Variants in ARHGAP44 observed in about 807,000 individuals in gnomAD.
The protein encoded by ARHGAP44 is rho GTPase-activating protein 44.
Under a neutral mutation model 106.8 loss-of-function variants are expected in ARHGAP44, and 43 were observed. The ratio of observed to expected loss-of-function variants is 0.40; its 90% CI spans 0.32 to 0.52. The LOEUF is 0.52. Ranked by LOEUF, ARHGAP44 falls within the 20% of genes least tolerant of loss-of-function variation. ARHGAP44 has a pLI of 0.48. For missense variants in ARHGAP44, 866 were observed against 1,050.5 expected (o/e 0.82, Z 2.43); for synonymous variants, 439 against 410.3 (o/e 1.07, Z -0.85).
intron 18 of ARHGAP44, among the ~76,000 whole-genome samples, chr17:12,975,890 C>G (rs1451389125): frequency 3.3e-5 from 5 of 150,550 alleles, no homozygotes; most frequent in Non-Finnish European, 7.4e-5. Flanking sequence ...CAAATAATGA[C>G]AGCACTTGGT....
chr17:12,919,951 T>C (rs1286318165), intron 6 of ARHGAP44, 120 bp downstream of exon 6: 2 of 744,642 alleles, frequency 2.7e-6, no homozygotes, highest in Non-Finnish European at 2.2e-6. Context: ...ACACCTAACG[T>C]GTACCAGGCA....
rs146845658 is a variant in ARHGAP44, at chr17:12,901,491, A to T, written c.198+4980A>T. On this transcript the variant is annotated intron_variant, in intron 3 of 20. Transcript: ENST00000379672. ...GAGAGGCCAGTTACACAGAGATGGG[A>T]ACAATTTCAGTGAGATGCAACGAGG... 3.9e-3 allele frequency among the ~76,000 whole-genome samples: 596 copies of T among 152,232 alleles called. 5 individuals carry two copies. Among genetic ancestry groups the T allele is most frequent in the African/African-American group, 0.014 (566 of 41,540 alleles).
Position 12,847,576 on chromosome 17 carries a change from C to T in ARHGAP44, c.54-47364C>T, listed in dbSNP as rs1385792165. On this transcript the variant is annotated intron_variant, in intron 1 of 20. Transcript: ENST00000379672. ...TCGCCCAGGCTGGAGTGCAGTGGTG[C>T]GATCTCGGCTCACTGCAAGCTCCGC... 7.4e-4 allele frequency among the ~76,000 whole-genome samples: 103 copies of T among 139,442 alleles called. 1 individual carries two copies. Among genetic ancestry groups the T allele is most frequent in the African/African-American group, 2.6e-3 (92 of 34,988 alleles). 91.5% of individuals were successfully genotyped at this position (139,442 alleles called of 152,430 possible).
At chr17:12,975,220 A>G (rs2039646022) in intron 18 of ARHGAP44, among the ~76,000 whole-genome samples, 1 of 152,202 alleles carries the variant, frequency 6.6e-6, no homozygotes, top group Non-Finnish European at 1.5e-5. Flanking sequence ...AAACTACAGA[A>G]AGTAAAACCA....
At chr17:12,946,982 C>A (rs777294549) in intron 10 of ARHGAP44, among the ~76,000 whole-genome samples, 8 of 152,102 alleles carry the variant, frequency 5.3e-5, no homozygotes, top group Non-Finnish European at 1.2e-4. Context: ...GCATTTTTTC[C>A]CTGTTTTGTG....
intron 1 of ARHGAP44, among the ~76,000 whole-genome samples, chr17:12,879,094 A>G (rs1473755265): frequency 6.6e-6 from 1 of 152,148 alleles, no homozygotes; most frequent in Non-Finnish European, 1.5e-5. Flanking sequence ...CGAGCAGTGT[A>G]CACTGTACCC....
At chr17:12,974,977 G>A (rs1196197614) in intron 18 of ARHGAP44, among the ~76,000 whole-genome samples, 1 of 151,720 alleles carries the variant, frequency 6.6e-6, no homozygotes, top group Non-Finnish European at 1.5e-5. Flanking sequence ...AGCCTCCCAA[G>A]TAGCTGGGAT....
At chr17:12,980,534 C>T (rs1034862486) in intron 19 of ARHGAP44, among the ~76,000 whole-genome samples, 20 of 152,114 alleles carry the variant, frequency 1.3e-4, no homozygotes, top group East Asian at 3.9e-4. Flanking sequence ...AGAGACCTGC[C>T]GGGCCCTACC....
chr17:12,966,315 A>C (rs56011081), intron 16 of ARHGAP44, among the ~76,000 whole-genome samples: 15,661 of 152,202 alleles, frequency 0.1, 929 homozygotes, highest in South Asian at 0.2. Flanking sequence ...GGTTGTCTAC[A>C]TGGAGAGGGA....
At chr17:12,978,088 G>A (rs1048762166) in intron 18 of ARHGAP44, among the ~76,000 whole-genome samples, 1 of 145,840 alleles carries the variant, frequency 6.9e-6, no homozygotes, top group Non-Finnish European at 1.5e-5. Flanking sequence ...AGAAGGAAGA[G>A]CTCATTCCTA....
At chr17:12,820,691 G>A (rs2034743328) in intron 1 of ARHGAP44, among the ~76,000 whole-genome samples, 1 of 152,174 alleles carries the variant, frequency 6.6e-6, no homozygotes, top group South Asian at 2.1e-4. Flanking sequence ...GTTGAATCAT[G>A]TGATTGAAGG....
chr17:12,905,527 C>T (rs1007853025), intron 3 of ARHGAP44, among the ~76,000 whole-genome samples: 12 of 152,206 alleles, frequency 7.9e-5, no homozygotes, highest in East Asian at 7.7e-4. Context: ...CTCCAGTGGC[C>T]GGTCTTGTCC....
chr17:12,855,913 G>T (rs1385603828), intron 1 of ARHGAP44, among the ~76,000 whole-genome samples: 1 of 152,202 alleles, frequency 6.6e-6, no homozygotes, highest in Admixed American at 6.5e-5. Flanking sequence ...AAAAAGTCAT[G>T]CTTGTGGTCG....
chr17:12,977,909 A>T (rs1308388655), intron 18 of ARHGAP44, among the ~76,000 whole-genome samples: 2 of 151,884 alleles, frequency 1.3e-5, no homozygotes, highest in Admixed American at 6.6e-5. Flanking sequence ...GTGGTGGCAC[A>T]TGCCTTTAAT....
chr17:12,829,772 CT>C (rs542406598), intron 1 of ARHGAP44, among the ~76,000 whole-genome samples: 1 of 152,236 alleles, frequency 6.6e-6, no homozygotes, highest in East Asian at 1.9e-4. Context: ...TTCATGTGGC[CT>C]TCCTTGACCA....
At chr17:12,890,561 T>C (rs1368081679) in intron 1 of ARHGAP44, among the ~76,000 whole-genome samples, 3 of 152,102 alleles carry the variant, frequency 2.0e-5, no homozygotes, top group Non-Finnish European at 4.4e-5. Context: ...CATTCTCCCC[T>C]CCTAGAGCTC....
intron 16 of ARHGAP44, among the ~76,000 whole-genome samples, chr17:12,963,672 C>T (rs1208453311): frequency 2.0e-5 from 3 of 150,208 alleles, no homozygotes; most frequent in Admixed American, 6.6e-5. Context: ...GCACCAGTGC[C>T]GTGTGAGCAG....
intron 19 of ARHGAP44, among the ~76,000 whole-genome samples, chr17:12,983,349 A>T (rs1473316251): frequency 1.3e-5 from 2 of 151,788 alleles, no homozygotes; most frequent in African/African-American, 2.4e-5. Context: ...TCACTCTCTC[A>T]AGATATTTGC....
intron 1 of ARHGAP44, among the ~76,000 whole-genome samples, chr17:12,827,704 T>C (rs953991015): frequency 6.6e-6 from 1 of 152,218 alleles, no homozygotes; most frequent in African/African-American, 2.4e-5. Flanking sequence ...ATGAATGATA[T>C]ACAGTTATGC....
Sources: gnomAD v4.1 joint callset for allele counts (sites outside exome capture counted in the v4.1 genomes callset) on GRCh38, gnomAD v4.1.1 for gene constraint, MANE v1.5 for transcripts, NCBI Gene and HGNC (gene_info 2026-07-23, HGNC 2026-07-21) for gene names.